MSR1: variants seen among roughly 807,000 people sequenced by gnomAD.
MSR1 encodes macrophage scavenger receptor types I and II.
In MSR1, 53 loss-of-function variants were observed where a neutral mutation model predicts 47.2. The observed-to-expected ratio is 1.12, with a 90% CI of 0.90 to 1.41. MSR1 has a LOEUF of 1.41. Ranked by LOEUF, MSR1 falls within the 40% of genes most tolerant of loss-of-function variation. The pLI is 0.00. For missense variants in MSR1, 786 were observed against 546.9 expected, an observed-to-expected ratio of 1.44 and a Z score of -4.36; for synonymous variants, 239 against 185.6, an observed-to-expected ratio of 1.29 and a Z score of -2.34.
chr8:16,141,529 G>A (rs1281777859), intron 8 of MSR1, among the ~76,000 whole-genome samples: 1 of 152,098 alleles, frequency 6.6e-6, no homozygotes, highest in African/African-American at 2.4e-5. Context: ...ATTAACATAA[G>A]CGAAAAGCAG....
intron 8 of MSR1, among the ~76,000 whole-genome samples, chr8:16,121,658 CTAA>C (rs936847786): frequency 6.6e-6 from 1 of 151,384 alleles, no homozygotes; most frequent in African/African-American, 2.4e-5. Flanking sequence ...ATAATATTTT[CTAA>C]TAATCATAAA....
intron 5 of MSR1, among the ~76,000 whole-genome samples, chr8:16,157,395 C>G (rs936097048): frequency 2.6e-5 from 4 of 151,774 alleles, no homozygotes; most frequent in Non-Finnish European, 5.9e-5. Flanking sequence ...TTAAAGATCC[C>G]TCTCTGTATT....
intron 8 of MSR1, among the ~76,000 whole-genome samples, chr8:16,129,465 G>C (rs1005483717): frequency 3.3e-5 from 5 of 152,116 alleles, no homozygotes; most frequent in African/African-American, 1.2e-4. Context: ...TTCACCTCAG[G>C]TTGGGTGCCG....
At chr8:16,183,962 G>A (rs78124635) in intron 1 of MSR1, among the ~76,000 whole-genome samples, 2 of 148,264 alleles carry the variant, frequency 1.3e-5, no homozygotes, top group African/African-American at 2.5e-5. Context: ...GGGGAAGTGG[G>A]TAATCAAGGT....
At chr8:16,145,463 C>A (rs930364102) in intron 7 of MSR1, among the ~76,000 whole-genome samples, 2 of 152,034 alleles carry the variant, frequency 1.3e-5, no homozygotes, top group African/African-American at 4.8e-5. Flanking sequence ...TCAACATTAA[C>A]TTCACAATGA....
chr8:16,170,562 G>C (rs1196074609), intron 3 of MSR1, among the ~76,000 whole-genome samples: 1 of 152,048 alleles, frequency 6.6e-6, no homozygotes, highest in Non-Finnish European at 1.5e-5. Flanking sequence ...ACAATAAAAA[G>C]AATAATTTCA....
chr8:16,139,917 G>A, intron 8 of MSR1: 2 of 388,842 alleles, frequency 5.1e-6, no homozygotes, highest in Non-Finnish European at 7.0e-6. Context: ...TATCTCCTCT[G>A]CATACCTATC....
At chr8:16,170,747 A>G (rs914815482) in intron 3 of MSR1, among the ~76,000 whole-genome samples, 4 of 152,168 alleles carry the variant, frequency 2.6e-5, no homozygotes, top group Non-Finnish European at 4.4e-5. Context: ...GTGTTTACAT[A>G]GGATCTAGTT....
chr8:16,149,039 A>G (rs913703077), intron 7 of MSR1, among the ~76,000 whole-genome samples: 1 of 152,140 alleles, frequency 6.6e-6, no homozygotes, highest in Non-Finnish European at 1.5e-5. Flanking sequence ...GGGGAGGAAT[A>G]GAGTTGGTGG....
intron 8 of MSR1, among the ~76,000 whole-genome samples, chr8:16,139,065 A>G (rs981002883): frequency 2.3e-4 from 35 of 152,156 alleles, no homozygotes; most frequent in African/African-American, 8.2e-4. Flanking sequence ...AGCTTCTTTT[A>G]TTTATAACTA....
At chr8:16,186,795 C>G (rs749687701) in intron 1 of MSR1, among the ~76,000 whole-genome samples, 2 of 115,656 alleles carry the variant, frequency 1.7e-5, no homozygotes, top group Non-Finnish European at 3.4e-5. Flanking sequence ...CCATGCCCAT[C>G]TAGAGATGCA....
chr8:16,148,709 C>T (rs1800765711), intron 7 of MSR1, among the ~76,000 whole-genome samples: 1 of 151,280 alleles, frequency 6.6e-6, no homozygotes, highest in Admixed American at 6.6e-5. Flanking sequence ...ATCTGCCTGC[C>T]TTGGCCTCCA....
chr8:16,177,149 G>A (rs1378007999), intron 2 of MSR1, among the ~76,000 whole-genome samples: 1 of 152,096 alleles, frequency 6.6e-6, no homozygotes, highest in African/African-American at 2.4e-5. Context: ...TGCTATATGG[G>A]TTGAATTCTG....
intron 1 of MSR1, among the ~76,000 whole-genome samples, chr8:16,184,793 T>C (rs1440262608): frequency 1.3e-5 from 2 of 152,150 alleles, no homozygotes; most frequent in Non-Finnish European, 2.9e-5. Context: ...TTTAAGTTTC[T>C]AACCTTTGAT....
intron 2 of MSR1, among the ~76,000 whole-genome samples, chr8:16,177,353 G>A (rs941210099): frequency 2.0e-5 from 3 of 151,998 alleles, no homozygotes; most frequent in Admixed American, 6.6e-5. Context: ...CGAAGAAGGC[G>A]GGAAAGATGA....
intron 1 of MSR1, among the ~76,000 whole-genome samples, chr8:16,184,775 G>C (rs1801945843): frequency 6.6e-6 from 1 of 151,800 alleles, no homozygotes; most frequent in Non-Finnish European, 1.5e-5. Context: ...GCTTGATTTT[G>C]TTTTTTCTTT....
chr8:16,148,772 G>A (rs1455889223), intron 7 of MSR1, among the ~76,000 whole-genome samples: 1 of 152,088 alleles, frequency 6.6e-6, no homozygotes, highest in Non-Finnish European at 1.5e-5. Flanking sequence ...AAACTTTGAA[G>A]CAACCAAAGC....
rs769665362 is a variant in MSR1, at chr8:16,168,763, T to G, written c.325A>C (p.Arg109=). Residue 109 remains arginine (R), a synonymous_variant, in exon 4 of 10, where the codon AGA becomes CGA. Transcript: ENST00000262101. The part of the protein sequence containing the change: ...GKGNDSEEEM[R]FQEVFMEHMS... ...TGTTCCATAAAGACTTCTTGAAATCTCATTTCCTCTTCGCTGTCATTTCCT... is the reference window on the plus strand; with the variant it reads ...TGTTCCATAAAGACTTCTTGAAATCGCATTTCCTCTTCGCTGTCATTTCCT... The G allele has an allele frequency of 2.5e-6, 4 of 1,614,080 alleles. No homozygotes were observed. The African/African-American group carries it at 5.3e-5, about 22-fold the overall frequency.
chr8:16,120,775 T>G (rs965153420), intron 8 of MSR1, 169 bp from the exon 9 acceptor site: 3 of 850,384 alleles, frequency 3.5e-6, no homozygotes, highest in Non-Finnish European at 5.3e-6. Context: ...CACCTATTGG[T>G]AAAGAGTTTA....
Sources: gnomAD v4.1 joint callset for allele counts (sites outside exome capture counted in the v4.1 genomes callset) on GRCh38, gnomAD v4.1.1 for gene constraint, MANE v1.5 for transcripts, NCBI Gene and HGNC (gene_info 2026-07-23, HGNC 2026-07-21) for gene names.